Variants in NCAM2 observed in about 807,000 individuals in gnomAD.
NCAM2 encodes N-CAM-2.
In NCAM2, 30 loss-of-function variants were observed where a neutral mutation model predicts 98.1. The ratio of observed to expected loss-of-function variants is 0.31; its 90% CI spans 0.23 to 0.41. The LOEUF (loss-of-function observed/expected upper bound fraction) is 0.41, where lower values mean the gene tolerates loss of function less well. Ranked by LOEUF, NCAM2 falls within the 10% of genes least tolerant of loss-of-function variation. The probability of loss-of-function intolerance (pLI) is 1.00; values close to 1 mark genes in which losing one functional copy is unlikely to be tolerated. For missense variants in NCAM2, 867 were observed against 1,005.8 expected, an observed-to-expected ratio of 0.86 and a Z score of 1.87; for synonymous variants, 368 against 342.4, an observed-to-expected ratio of 1.07 and a Z score of -0.83.
intron 6 of NCAM2, among the ~76,000 whole-genome samples, chr21:21,328,382 G>A (rs1252444885): frequency 6.6e-6 from 1 of 152,046 alleles, no homozygotes; most frequent in Non-Finnish European, 1.5e-5. Context: ...AAAGAGAGAA[G>A]TTAACTGTAA....
At position 21,376,840 on chromosome 21, in the gene NCAM2, CTTA is replaced by C. The variant is rs2076043046; in HGVS notation, c.1195+2830_1195+2832del. Among the ~76,000 whole-genome samples the C allele has an allele frequency of 2.6e-5, 4 of 151,720 alleles. No homozygotes were observed. The South Asian group carries it at 8.3e-4, about 31-fold the overall frequency. The stretch of plus-strand genomic sequence containing the variant: ...CAGAAAATTATGTAGTTTAGTTTAT[CTTA>C]TTTAAACAGGGATGAAAGGTCTTGT... On this transcript the variant is annotated intron_variant, in intron 9 of 17. Transcript: ENST00000400546.
chr21:21,181,299 A>G (rs999953007), intron 1 of NCAM2, among the ~76,000 whole-genome samples: 4 of 152,118 alleles, frequency 2.6e-5, no homozygotes, highest in African/African-American at 9.7e-5. Context: ...TCCTCTGTAA[A>G]TAGGTAGTTA....
intron 1 of NCAM2, among the ~76,000 whole-genome samples, chr21:21,191,194 C>T (rs183975415): frequency 3.9e-5 from 6 of 152,264 alleles, no homozygotes; most frequent in Non-Finnish European, 4.4e-5. Flanking sequence ...AACAGGTGGA[C>T]TGCATGACCT....
chr21:21,419,113 T>C (rs1271238749), intron 11 of NCAM2, among the ~76,000 whole-genome samples: 3 of 152,138 alleles, frequency 2.0e-5, no homozygotes, highest in Non-Finnish European at 4.4e-5. Context: ...TAGCAAAGAA[T>C]ATATTTTACA....
At chr21:21,347,932 T>G (rs1285243180) in intron 8 of NCAM2, among the ~76,000 whole-genome samples, 2 of 151,872 alleles carry the variant, frequency 1.3e-5, no homozygotes, top group Non-Finnish European at 2.9e-5. Flanking sequence ...ATAAAAACAC[T>G]CAAAAAACTG....
At chr21:21,021,961 G>T (rs2064446887) in intron 1 of NCAM2, among the ~76,000 whole-genome samples, 1 of 152,036 alleles carries the variant, frequency 6.6e-6, no homozygotes, top group Non-Finnish European at 1.5e-5. Flanking sequence ...AAAATAAATG[G>T]ATGATGCTCT....
chr21:21,397,875 C>G (rs1371699345), intron 9 of NCAM2, among the ~76,000 whole-genome samples: 1 of 152,240 alleles, frequency 6.6e-6, no homozygotes, highest in African/African-American at 2.4e-5. Flanking sequence ...CTATGGAAAA[C>G]TGTGTGGAGA....
At chr21:21,423,366 A>C (rs1022809789) in intron 11 of NCAM2, among the ~76,000 whole-genome samples, 1 of 152,174 alleles carries the variant, frequency 6.6e-6, no homozygotes, top group African/African-American at 2.4e-5. Flanking sequence ...AGCACATGAC[A>C]AGTACTCAAC....
At chr21:21,076,184 T>C (rs2065678708) in intron 1 of NCAM2, among the ~76,000 whole-genome samples, 1 of 152,062 alleles carries the variant, frequency 6.6e-6, no homozygotes, top group African/African-American at 2.4e-5. Flanking sequence ...GTATAATTTA[T>C]ATTATAAGGG....
intron 1 of NCAM2, among the ~76,000 whole-genome samples, chr21:21,022,042 A>C (rs762103677): frequency 2.0e-4 from 30 of 152,124 alleles, no homozygotes; most frequent in Non-Finnish European, 3.4e-4. Flanking sequence ...GGTTTATATA[A>C]AGTTAAATAA....
At chr21:21,212,800 T>C (rs1003288566) in intron 1 of NCAM2, among the ~76,000 whole-genome samples, 1 of 148,594 alleles carries the variant, frequency 6.7e-6, no homozygotes, top group South Asian at 2.1e-4. Context: ...TGGAGTGCAG[T>C]GGCATGATCT....
At chr21:21,461,997 T>C (rs2408127) in intron 12 of NCAM2, among the ~76,000 whole-genome samples, 66,910 of 151,814 alleles carry the variant, frequency 0.44, 16,144 homozygotes, top group East Asian at 0.95. Flanking sequence ...CCTGCAGAAG[T>C]CAGTCAGATA....
At chr21:21,139,669 G>A (rs1649828288) in intron 1 of NCAM2, among the ~76,000 whole-genome samples, 1 of 152,080 alleles carries the variant, frequency 6.6e-6, no homozygotes, top group Non-Finnish European at 1.5e-5. Context: ...TACATTCTAA[G>A]GGGAAGATTA....
At chr21:21,355,978 A>C (rs1433842900) in intron 8 of NCAM2, among the ~76,000 whole-genome samples, 1 of 152,126 alleles carries the variant, frequency 6.6e-6, no homozygotes, top group African/African-American at 2.4e-5. Flanking sequence ...ACAAATACAC[A>C]TAAATTGTAG....
intron 1 of NCAM2, among the ~76,000 whole-genome samples, chr21:21,034,999 T>C (rs1311683287): frequency 6.6e-6 from 1 of 152,210 alleles, no homozygotes; most frequent in Non-Finnish European, 1.5e-5. Flanking sequence ...CTCAAACTTG[T>C]CTGTAACAAC....
chr21:21,035,194 A>C (rs1336524642), intron 1 of NCAM2, among the ~76,000 whole-genome samples: 1 of 152,228 alleles, frequency 6.6e-6, no homozygotes, highest in Non-Finnish European at 1.5e-5. Flanking sequence ...AATCAACCTC[A>C]GTCACTCAAA....
intron 9 of NCAM2, among the ~76,000 whole-genome samples, chr21:21,388,837 A>G (rs1305988178): frequency 6.6e-6 from 1 of 152,194 alleles, no homozygotes; most frequent in Non-Finnish European, 1.5e-5. Flanking sequence ...CTGTAAGTGT[A>G]AAGTACACAA....
At position 21,332,619 on chromosome 21, in the gene NCAM2, G is replaced by A. The variant is rs188403346; in HGVS notation, c.738-2886G>A. On this transcript the variant is annotated intron_variant, in intron 6 of 17. Coordinates refer to ENST00000400546, the MANE Select transcript of NCAM2 (RefSeq NM_004540.5). ...GTTAAAGATTTGTTGGGAACCCTCT[G>A]CAGATATCTATAGCTCTGTTGTCTG... 1.9e-3 allele frequency among the ~76,000 whole-genome samples: 286 copies of A among 152,238 alleles called. 2 individuals carry two copies. The highest frequency in any genetic ancestry group is 3.0e-3 in the Non-Finnish European group (206 of 68,002).
intron 2 of NCAM2, among the ~76,000 whole-genome samples, chr21:21,282,258 T>C (rs2072955052): frequency 6.6e-6 from 1 of 151,918 alleles, no homozygotes; most frequent in Non-Finnish European, 1.5e-5. Flanking sequence ...AATGAAATTG[T>C]TGTACTTTTA....
Sources: allele counts gnomAD v4.1 joint callset (sites outside exome capture counted in the v4.1 genomes callset), GRCh38; gene constraint gnomAD v4.1.1; transcripts MANE v1.5; gene names NCBI Gene and HGNC (gene_info 2026-07-23, HGNC 2026-07-21).